ACAT1: variants seen among roughly 807,000 people sequenced by gnomAD.
ACAT1 encodes the protein acetyl-CoA acetyltransferase 1.
ACAT1 carries 28 observed loss-of-function variants against 47.3 expected under a neutral mutation model. That is an observed-to-expected ratio of 0.59 (90% confidence interval 0.44 to 0.81). ACAT1 has a LOEUF of 0.81. Among genes scored for constraint, ACAT1 ranks in the 30% least tolerant of loss-of-function variants. The pLI, the probability that ACAT1 is intolerant of heterozygous loss-of-function variation, is 0.00. For synonymous variants in ACAT1, 181 were observed against 173.6 expected (o/e 1.04, Z -0.34); for missense variants, 469 against 524.3 (o/e 0.89, Z 1.03).
intron 5 of ACAT1, among the ~76,000 whole-genome samples, chr11:108,135,699 G>A (rs1389113610): frequency 6.6e-6 from 1 of 152,074 alleles, no homozygotes; most frequent in African/African-American, 2.4e-5. Context: ...GTGGTGGCAG[G>A]TGCCTGTAAT....
rs1332286927 is a variant in ACAT1 at position 108,146,677 on chromosome 11, T to TG, written c.1163+323dup. ...GGTTACATGGATGAATTTATAGTGGTGGGGGCTGATTTCAGTGCACCTGTC... is the reference window on the plus strand; with the variant it reads ...GGTTACATGGATGAATTTATAGTGGTGGGGGGCTGATTTCAGTGCACCTGTC... On this transcript the variant is annotated intron_variant, in intron 11 of 11. Coordinates refer to ENST00000265838, the MANE Select transcript of ACAT1 (RefSeq NM_000019.4). Among the ~76,000 whole-genome samples, 3 of 152,230 alleles carry TG rather than the reference T, an allele frequency of 2.0e-5. No individual in the cohort carries two copies. In the East Asian group the frequency reaches 5.8e-4, roughly 29 times the overall value.
chr11:108,130,941 G>C (rs913256695), intron 1 of ACAT1, among the ~76,000 whole-genome samples: 2 of 151,970 alleles, frequency 1.3e-5, no homozygotes, highest in Non-Finnish European at 2.9e-5. Context: ...GTAGAGACGG[G>C]GTTTTTTCGC....
intron 10 of ACAT1, among the ~76,000 whole-genome samples, chr11:108,144,813 A>G (rs2077671093): frequency 1.3e-5 from 2 of 152,212 alleles, no homozygotes; most frequent in South Asian, 4.1e-4. Context: ...AGAAAATGAA[A>G]GGAACACGCA....
chr11:108,146,607 T>C lies in ACAT1; in HGVS notation c.1163+248T>C, dbSNP rs552697502. 3.9e-5 allele frequency among the ~76,000 whole-genome samples: 6 copies of C among 152,258 alleles called. No individual in the cohort carries two copies. The East Asian group carries it at 7.7e-4, about 20-fold the overall frequency. On this transcript the variant is annotated intron_variant, in intron 11 of 11. Coordinates refer to ENST00000265838, the MANE Select transcript of ACAT1 (RefSeq NM_000019.4). Reference sequence around the variant, plus strand: ...ACATTTAGACTTTTTACCCCCTTTTTCTCCTTCCTATTTATTTCATTAGCT... The same window carrying C: ...ACATTTAGACTTTTTACCCCCTTTTCCTCCTTCCTATTTATTTCATTAGCT...
At chr11:108,126,438 A>G (rs1022786277) in intron 1 of ACAT1, among the ~76,000 whole-genome samples, 1 of 152,238 alleles carries the variant, frequency 6.6e-6, no homozygotes, top group Non-Finnish European at 1.5e-5. Context: ...GAGCCAGATC[A>G]TGCAGGTTCT....
At chr11:108,144,084 A>T (rs766585190) in intron 10 of ACAT1, 37 bp downstream of exon 10, 1 of 1,581,988 alleles carries the variant, frequency 6.3e-7, no homozygotes, top group Admixed American at 1.7e-5. Flanking sequence ...CCATTATGCT[A>T]GCTTCTGGTT....
In ACAT1 at chr11:108,123,977, G is replaced by C. The variant is rs2077200333; in HGVS notation, c.72+2299G>C. ...CCAGTCTTGGGCTTATTTGCTCCCA[G>C]ATTCATTTATCTTCCCTCCCCTAGT... On this transcript the variant is annotated intron_variant, in intron 1 of 11. Transcript: ENST00000265838. Among the ~76,000 whole-genome samples the C allele has an allele frequency of 1.3e-5, 2 of 152,136 alleles. 1 individual carries two copies. Among genetic ancestry groups the C allele is most frequent in the South Asian group, 4.1e-4 (2 of 4,822 alleles).
chr11:108,143,207 G>A (rs1300862218), intron 9 of ACAT1: 1 of 152,372 alleles, frequency 6.6e-6, no homozygotes, highest in East Asian at 1.9e-4. Flanking sequence ...AGGAGGCTAA[G>A]GCTGACGATC....
intron 10 of ACAT1, among the ~76,000 whole-genome samples, chr11:108,145,970 C>T (rs922458112): frequency 6.6e-6 from 1 of 152,036 alleles, no homozygotes; most frequent in African/African-American, 2.4e-5. Flanking sequence ...CTGCTTGAAC[C>T]TGGGAGGCAG....
rs1338023969 is a variant in ACAT1, at chr11:108,146,236, T to C, written c.1040T>C (p.Ile347Thr). Residue 347 changes from isoleucine to threonine, a missense_variant, in exon 11 of 12, where the codon ATT becomes ACT. Ile to Thr is a moderately conservative substitution (Grantham distance 89, BLOSUM62 -1). Coordinates refer to ENST00000265838, the MANE Select transcript of ACAT1 (RefSeq NM_000019.4). ...GATGTGGGATTGAAAAAAGAAGATA[T>C]TGCAATGTGGGAAGTAAATGAAGCC... ...LKDVGLKKED[I>T]AMWEVNEAFS... 3.1e-6 allele frequency: 5 copies of C among 1,613,404 alleles called. No homozygotes were observed. Among genetic ancestry groups the C allele is most frequent in the Admixed American group, 1.7e-5 (1 of 59,994 alleles).
Position 108,133,882 on chromosome 11 carries a change from G to GA in ACAT1, c.183_184insA (p.Leu62ThrfsTer5). The GA allele has an allele frequency of 1.2e-6, 2 of 1,614,064 alleles. No homozygotes were observed. The highest frequency in any genetic ancestry group is 3.3e-5 in the Admixed American group (2 of 60,006). ...GATCTTTTTTAGGCAGCCTTTCCTT[G>GA]CTGCCAGCCACTAAGCTTGGTTCCA... On this transcript the variant is annotated frameshift_variant, in exon 3 of 12. Transcript: ENST00000265838. LOFTEE classifies it high-confidence loss of function.
intron 10 of ACAT1, 102 bp from the exon 11 acceptor site, chr11:108,146,100 A>G: frequency 9.1e-7 from 1 of 1,099,808 alleles, no homozygotes; most frequent in Non-Finnish European, 1.4e-6. Context: ...GAACTTCCAT[A>G]TTTAAATAAC....
At chr11:108,133,982 C>A in intron 3 of ACAT1, 45 bp downstream of exon 3, 1 of 1,516,126 alleles carries the variant, frequency 6.6e-7, no homozygotes, top group South Asian at 1.1e-5. Flanking sequence ...CAAAAAGATT[C>A]CATGGAAAAG....
At chr11:108,133,658 C>A (rs959397791) in intron 2 of ACAT1, among the ~76,000 whole-genome samples, 162 bp from the exon 3 acceptor site, 11 of 152,144 alleles carry the variant, frequency 7.2e-5, no homozygotes, top group African/African-American at 2.7e-4. Context: ...AATCATAAAG[C>A]ACTAGCATTG....
At chr11:108,145,069 T>G (rs2077676697) in intron 10 of ACAT1, among the ~76,000 whole-genome samples, 1 of 152,020 alleles carries the variant, frequency 6.6e-6, no homozygotes, top group African/African-American at 2.4e-5. Context: ...CTCACAACAA[T>G]CAAATTTCTT....
upstream of ACAT1, chr11:108,121,393 G>GTCCTTCAC: frequency 1.6e-6 from 1 of 613,648 alleles, no homozygotes; most frequent in Middle Eastern, 4.3e-4. Flanking sequence ...CTCCATCCAC[G>GTCCTTCAC]TCCTTCACTC....
intron 6 of ACAT1, 53 bp from the exon 7 acceptor site, chr11:108,140,012 A>T: frequency 6.4e-7 from 1 of 1,563,104 alleles, no homozygotes; most frequent in Non-Finnish European, 8.7e-7. Context: ...AAGTTAATAG[A>T]TATTTTCTAA....
intron 1 of ACAT1, among the ~76,000 whole-genome samples, chr11:108,130,400 A>C (rs2077334648): frequency 6.6e-6 from 1 of 151,838 alleles, no homozygotes; most frequent in African/African-American, 2.4e-5. Flanking sequence ...TTATTTTTTA[A>C]ATTTATTATC....
intron 1 of ACAT1, among the ~76,000 whole-genome samples, chr11:108,122,672 G>A (rs1327818329): frequency 3.3e-5 from 5 of 152,290 alleles, no homozygotes; most frequent in Middle Eastern, 3.4e-3. Context: ...GTGAGGGTGC[G>A]AAGCCAAGGG....
Sources: gnomAD v4.1 joint callset for allele counts (sites outside exome capture counted in the v4.1 genomes callset) on GRCh38, gnomAD v4.1.1 for gene constraint, MANE v1.5 for transcripts, NCBI Gene and HGNC (gene_info 2026-07-23, HGNC 2026-07-21) for gene names.